CIMIP2C: variants seen among roughly 807,000 people sequenced by gnomAD.
CIMIP2C encodes the protein UPF0573 protein C2orf70.
At chr2:26,567,818 C>T in the CIMIP2C span, among the ~76,000 whole-genome samples, 36 of 152,196 alleles carry the variant, frequency 2.4e-4, no homozygotes, top group Admixed American at 1.0e-3. Context: ...ATTCTGATGT[C>T]ATTGGTTGGG....
At chr2:26,569,066 T>C in the CIMIP2C span, among the ~76,000 whole-genome samples, 10 of 146,410 alleles carry the variant, frequency 6.8e-5, no homozygotes, top group East Asian at 2.0e-3. Flanking sequence ...AACTGAGACA[T>C]AGGAGAGGTG....
chr2:26,566,196 C>T, the CIMIP2C span, among the ~76,000 whole-genome samples: 1 of 152,372 alleles, frequency 6.6e-6, no homozygotes, highest in East Asian at 1.9e-4. Flanking sequence ...ATGCCCACAG[C>T]TCCTGCCCAG....
At chr2:26,576,674 GC>G in the CIMIP2C span, among the ~76,000 whole-genome samples, 1 of 152,176 alleles carries the variant, frequency 6.6e-6, no homozygotes, top group Non-Finnish European at 1.5e-5. Flanking sequence ...CTGCCCTGCA[GC>G]CCCCTGGGGG....
chr2:26,576,961 C>T, the CIMIP2C span, among the ~76,000 whole-genome samples: 3 of 152,356 alleles, frequency 2.0e-5, 1 homozygote, highest in South Asian at 6.2e-4. Flanking sequence ...CCCCCTCTAG[C>T]CTGATTGCAA....
the CIMIP2C span, chr2:26,575,954 A>G: frequency 1.2e-6 from 2 of 1,613,664 alleles, no homozygotes; most frequent in African/African-American, 1.3e-5. Context: ...TCCCTACGGC[A>G]CCACCACCCT....
At chr2:26,579,051 A>G in the CIMIP2C span, 1 of 566,044 alleles carries the variant, frequency 1.8e-6, no homozygotes, top group African/African-American at 1.9e-5. Context: ...TTCTAGCAGG[A>G]GTTAGGACCA....
the CIMIP2C span, among the ~76,000 whole-genome samples, chr2:26,573,319 C>T: frequency 6.7e-6 from 1 of 148,242 alleles, no homozygotes; most frequent in East Asian, 1.9e-4. Flanking sequence ...TGCTTCCCCT[C>T]TGCCTATAAA....
At chr2:26,574,450 A>T in the CIMIP2C span, among the ~76,000 whole-genome samples, 2 of 143,206 alleles carry the variant, frequency 1.4e-5, no homozygotes, top group Non-Finnish European at 1.5e-5. Context: ...CTAGGGGGAA[A>T]TTTTCACAGA....
the CIMIP2C span, among the ~76,000 whole-genome samples, chr2:26,574,684 C>T: frequency 2.0e-5 from 3 of 152,268 alleles, no homozygotes; most frequent in East Asian, 1.9e-4. Context: ...GTTTAAGAGG[C>T]GGGCAGAGGA....
the CIMIP2C span, among the ~76,000 whole-genome samples, chr2:26,572,889 C>T: frequency 6.6e-6 from 1 of 152,140 alleles, no homozygotes; most frequent in African/African-American, 2.4e-5. Context: ...GTGGGAGGAG[C>T]CCTCAGGATA....
At chr2:26,577,595 G>A in the CIMIP2C span, 1 of 1,614,084 alleles carries the variant, frequency 6.2e-7, no homozygotes, top group South Asian at 1.1e-5. Context: ...ATGCCCGTGA[G>A]GGAGCCGGAA....
chr2:26,573,474 C>T, the CIMIP2C span, among the ~76,000 whole-genome samples: 17 of 143,670 alleles, frequency 1.2e-4, no homozygotes, highest in Non-Finnish European at 2.1e-4. Flanking sequence ...AGGGAGGAGT[C>T]GGATGGGACA....
chr2:26,575,310 G>C, the CIMIP2C span, among the ~76,000 whole-genome samples: 1 of 152,216 alleles, frequency 6.6e-6, no homozygotes, highest in Non-Finnish European at 1.5e-5. Flanking sequence ...ACCCATCGCT[G>C]TTCACTGACC....
the CIMIP2C span, chr2:26,579,083 G>A: frequency 1.7e-6 from 1 of 593,154 alleles, no homozygotes; most frequent in South Asian, 1.9e-5. Context: ...AGGTCTGTCT[G>A]ACATCTGTGT....
At chr2:26,572,675 G>A in the CIMIP2C span, among the ~76,000 whole-genome samples, 4 of 152,222 alleles carry the variant, frequency 2.6e-5, no homozygotes, top group African/African-American at 9.6e-5. Flanking sequence ...GAATGTGGCT[G>A]TTAGAGAATG....
chr2:26,576,294 C>A, the CIMIP2C span: 1 of 1,236,536 alleles, frequency 8.1e-7, no homozygotes, highest in Non-Finnish European at 1.1e-6. Flanking sequence ...GTCTTGATTT[C>A]CTTTCTCAGA....
At chr2:26,571,793 A>G in the CIMIP2C span, among the ~76,000 whole-genome samples, 1 of 152,188 alleles carries the variant, frequency 6.6e-6, no homozygotes, top group South Asian at 2.1e-4. Flanking sequence ...GTATATTCAG[A>G]TAAAGGACTA....
chr2:26,566,177 C>G, the CIMIP2C span, among the ~76,000 whole-genome samples: 4 of 152,268 alleles, frequency 2.6e-5, no homozygotes, highest in African/African-American at 9.6e-5. Context: ...CAGACTGCCA[C>G]TGCGCCCCAT....
the CIMIP2C span, chr2:26,562,589 G>A: frequency 6.4e-7 from 1 of 1,558,366 alleles, no homozygotes; most frequent in Non-Finnish European, 8.7e-7. Context: ...GGAGCGCCAG[G>A]CTCGCTGTAC....
Sources: allele counts gnomAD v4.1 joint callset (sites outside exome capture counted in the v4.1 genomes callset), GRCh38; gene constraint gnomAD v4.1.1; transcripts MANE v1.5; gene names NCBI Gene and HGNC (gene_info 2026-07-23, HGNC 2026-07-21).